The following RBM27 variants were observed in gnomAD, a reference collection of about 807,000 sequenced individuals.
RBM27 encodes RNA-binding protein 27.
RBM27 carries 22 observed loss-of-function variants against 135.3 expected under a neutral mutation model. The ratio of observed to expected loss-of-function variants is 0.16; its 90% CI spans 0.12 to 0.23. RBM27 has a LOEUF of 0.23. Among genes scored for constraint, RBM27 ranks in the 10% least tolerant of loss-of-function variants. The probability of loss-of-function intolerance (pLI) is 1.00; values close to 1 mark genes in which losing one functional copy is unlikely to be tolerated. For missense variants in RBM27, 1,009 were observed against 1,281.0 expected, an observed-to-expected ratio of 0.79 and a Z score of 3.24; for synonymous variants, 481 against 442.4, an observed-to-expected ratio of 1.09 and a Z score of -1.10.
chr5:146,218,895 G>C (rs555590403), intron 1 of RBM27, 90 bp from the exon 2 acceptor site: 4 of 757,242 alleles, frequency 5.3e-6, no homozygotes, highest in Non-Finnish European at 8.2e-6. Context: ...TTGATTTCTC[G>C]TTTTCCAAAA....
chr5:146,239,770 C>T (rs960421266), intron 8 of RBM27, among the ~76,000 whole-genome samples: 8 of 146,644 alleles, frequency 5.5e-5, no homozygotes, highest in African/African-American at 2.0e-4. Context: ...GCCACCACGC[C>T]TGGACTTTTT....
intron 8 of RBM27, among the ~76,000 whole-genome samples, chr5:146,245,521 T>C (rs1757589042): frequency 6.6e-6 from 1 of 152,200 alleles, no homozygotes; most frequent in Non-Finnish European, 1.5e-5. Flanking sequence ...CACATAAATC[T>C]TTATCTTTCA....
intron 1 of RBM27, among the ~76,000 whole-genome samples, chr5:146,206,845 A>G (rs760167617): frequency 1.3e-5 from 2 of 152,054 alleles, no homozygotes; most frequent in Non-Finnish European, 2.9e-5. Flanking sequence ...GGCCTCCCAA[A>G]GTGCTGGGAT....
chr5:146,249,707 A>G (rs1287864098), intron 8 of RBM27, among the ~76,000 whole-genome samples: 4 of 141,282 alleles, frequency 2.8e-5, no homozygotes, highest in African/African-American at 9.8e-5. Context: ...AAAAAGAAAA[A>G]GTAAAAAAAA....
intron 13 of RBM27, 72 bp from the exon 14 acceptor site, chr5:146,263,419 A>G (rs781255092): frequency 1.4e-6 from 2 of 1,439,404 alleles, no homozygotes; most frequent in Non-Finnish European, 1.9e-6. Flanking sequence ...TAGAGTAATC[A>G]TCTTAAATTT....
At chr5:146,265,629 G>A (rs1323624733) in intron 14 of RBM27, among the ~76,000 whole-genome samples, 3 of 152,300 alleles carry the variant, frequency 2.0e-5, no homozygotes, top group Admixed American at 2.0e-4. Flanking sequence ...TAGCATATCT[G>A]CATTGAGTGC....
intron 6 of RBM27, among the ~76,000 whole-genome samples, chr5:146,232,276 G>A (rs1429464267): frequency 6.6e-6 from 1 of 152,088 alleles, no homozygotes; most frequent in Non-Finnish European, 1.5e-5. Flanking sequence ...AGGGAATAGA[G>A]TCAAATTATA....
intron 14 of RBM27, among the ~76,000 whole-genome samples, chr5:146,264,063 A>T (rs1758510026): frequency 6.6e-6 from 1 of 151,210 alleles, no homozygotes; most frequent in African/African-American, 2.4e-5. Context: ...CCAAGGTCGT[A>T]CCATTGCACT....
intron 8 of RBM27, among the ~76,000 whole-genome samples, chr5:146,238,235 G>A (rs1581177914): frequency 6.6e-6 from 1 of 152,102 alleles, no homozygotes; most frequent in East Asian, 1.9e-4. Context: ...TGGGCCAGGC[G>A]CGGTGGCTCA....
intron 19 of RBM27, among the ~76,000 whole-genome samples, chr5:146,283,987 AAATTTGCTTTCCCCTATTGG>A (rs1759475105): frequency 1.3e-5 from 2 of 152,180 alleles, no homozygotes; most frequent in African/African-American, 4.8e-5. Context: ...TTTGTCTTTA[AAATTTGCTTTCCCCTATTGG>A]AATTTGCTGG....
At position 146,269,578 on chromosome 5, in the gene RBM27, A is replaced by T; in HGVS notation, c.2685A>T (p.Lys895Asn). 5 of 1,531,046 alleles carry T rather than the reference A, an allele frequency of 3.3e-6. No individual in the cohort carries two copies. Among genetic ancestry groups the T allele is most frequent in the Non-Finnish European group, 4.4e-6 (5 of 1,148,732 alleles). The allele number at this position is 1,531,046 out of a possible 1,614,324, so 94.8% of individuals were successfully genotyped here. The change falls in exon 17 of 21, where the codon AAA (lysine) becomes AAT (asparagine). Residue 895 changes from lysine to asparagine, a missense_variant. Lys to Asn is a moderately conservative substitution (Grantham distance 94). Coordinates refer to ENST00000265271, the MANE Select transcript of RBM27 (RefSeq NM_018989.2). ...AVSTPSKVKT[K>N]TEAQKELLDT... ...CCACACCATCTAAAGTGAAGACAAA[A>T]ACGGAGGTATCTATTTGCATTTTTT...
intron 1 of RBM27, among the ~76,000 whole-genome samples, chr5:146,212,116 C>CAT (rs1755985676): frequency 1.3e-5 from 2 of 151,718 alleles, no homozygotes; most frequent in African/African-American, 2.4e-5. Flanking sequence ...AGTGCAGTGG[C>CAT]GCAATCTCGA....
In RBM27 at chr5:146,266,187, C is replaced by T. The variant is rs149570816; in HGVS notation, c.2332-1462C>T. 1.3e-3 allele frequency among the ~76,000 whole-genome samples: 194 copies of T among 152,262 alleles called. 2 individuals are homozygous for T. In the East Asian group the frequency reaches 0.035, roughly 27 times the overall value. ...TGTCAAAGAGAAAAACAAATCTGAT[C>T]AGGCCTCTAGATCTACCCACTAATT... On this transcript the variant is annotated intron_variant, in intron 14 of 20. Coordinates refer to ENST00000265271, the MANE Select transcript of RBM27 (RefSeq NM_018989.2).
chr5:146,263,685 G>C (rs1758491334), intron 14 of RBM27, 54 bp downstream of exon 14: 3 of 1,577,598 alleles, frequency 1.9e-6, no homozygotes, highest in Non-Finnish European at 2.6e-6. Flanking sequence ...TGAATTAACA[G>C]AATAAATCAG....
At chr5:146,237,474 A>G (rs1193942452) in intron 8 of RBM27, 42 bp downstream of exon 8, 1 of 1,596,412 alleles carries the variant, frequency 6.3e-7, no homozygotes, top group Admixed American at 1.7e-5. Flanking sequence ...AGGGTATAGA[A>G]AAGCCAAGTT....
intron 14 of RBM27, among the ~76,000 whole-genome samples, 163 bp from the exon 15 acceptor site, chr5:146,267,486 A>G (rs1255238258): frequency 6.6e-6 from 1 of 152,188 alleles, no homozygotes; most frequent in Non-Finnish European, 1.5e-5. Context: ...TGACAAATTT[A>G]TGCATAAAGA....
Position 146,287,585 on chromosome 5 carries a change from A to G in RBM27, c.*1555A>G, listed in dbSNP as rs1759635320. On this transcript the variant is annotated 3_prime_UTR_variant, in exon 21 of 21. Coordinates refer to ENST00000265271, the MANE Select transcript of RBM27 (RefSeq NM_018989.2). ...TTGCTGAGGTAAAGACAATTTCTCA[A>G]TATAGAAACTATTCACTAAGAACTT... 1 of 152,162 alleles carries G rather than the reference A, an allele frequency of 6.6e-6. No homozygotes were observed. The highest frequency in any genetic ancestry group is 2.4e-5 in the African/African-American group (1 of 41,446). The allele number at this position is 152,162 out of a possible 1,614,324, so 9.4% of individuals were successfully genotyped here. A position where few individuals can be genotyped will look rare whatever the true frequency, so the allele number is the denominator to read the frequency against.
intron 4 of RBM27, 37 bp from the exon 5 acceptor site, chr5:146,229,680 A>G (rs866815070): frequency 1.3e-6 from 2 of 1,514,952 alleles, no homozygotes; most frequent in African/African-American, 1.4e-5. Flanking sequence ...CTTGGTTTCT[A>G]TAGCCTGCAT....
chr5:146,278,216 G>A (rs896413174), intron 19 of RBM27, among the ~76,000 whole-genome samples: 1 of 152,036 alleles, frequency 6.6e-6, no homozygotes, highest in African/African-American at 2.4e-5. Context: ...TTTCTAATCG[G>A]GGAAAATGGC....
Sources: gnomAD v4.1 joint callset for allele counts (sites outside exome capture counted in the v4.1 genomes callset) on GRCh38, gnomAD v4.1.1 for gene constraint, MANE v1.5 for transcripts, NCBI Gene and HGNC (gene_info 2026-07-23, HGNC 2026-07-21) for gene names.